MIS18A: variants seen among roughly 807,000 people sequenced by gnomAD.
MIS18A encodes the protein MIS18 kinetochore protein A.
Under a neutral mutation model 25.0 loss-of-function variants are expected in MIS18A, and 14 were observed. That is an observed-to-expected ratio of 0.56 (90% confidence interval 0.37 to 0.88). The LOEUF (loss-of-function observed/expected upper bound fraction) is 0.88, where lower values mean the gene tolerates loss of function less well. MIS18A is among the 40% of genes least tolerant of loss of function. MIS18A has a pLI of 0.00. For synonymous variants in MIS18A, 134 were observed against 118.6 expected (o/e 1.13, Z -0.84); for missense variants, 292 against 290.8 (o/e 1.00, Z -0.03).
At chr21:32,251,562 C>T in the MIS18A span, among the ~76,000 whole-genome samples, 2 of 152,184 alleles carry the variant, frequency 1.3e-5, no homozygotes, top group Non-Finnish European at 2.9e-5. Flanking sequence ...GGGGTGTGAC[C>T]TTTAACCCTG....
chr21:32,230,769 C>T, the MIS18A span, among the ~76,000 whole-genome samples: 2 of 152,102 alleles, frequency 1.3e-5, no homozygotes, highest in African/African-American at 2.4e-5. Flanking sequence ...CAAGTAAGAA[C>T]CAAAACTCTT....
At chr21:32,244,534 T>G in the MIS18A span, among the ~76,000 whole-genome samples, 3 of 152,104 alleles carry the variant, frequency 2.0e-5, no homozygotes, top group African/African-American at 7.2e-5. Flanking sequence ...TCCGGGAAGT[T>G]GAGATCTGCC....
At chr21:32,240,847 G>A in the MIS18A span, among the ~76,000 whole-genome samples, 24 of 152,154 alleles carry the variant, frequency 1.6e-4, no homozygotes, top group Non-Finnish European at 2.4e-4. Flanking sequence ...ACTGCAGAGC[G>A]TATTTGCATC....
intron 1 of MIS18A, among the ~76,000 whole-genome samples, chr21:32,276,863 G>T (rs2031821494): frequency 6.6e-6 from 1 of 152,032 alleles, no homozygotes; most frequent in South Asian, 2.1e-4. Flanking sequence ...GGCGTTCAAG[G>T]TTACATACAG....
the MIS18A span, among the ~76,000 whole-genome samples, chr21:32,171,768 C>G: frequency 1.3e-5 from 2 of 151,988 alleles, no homozygotes; most frequent in Non-Finnish European, 2.9e-5. Flanking sequence ...TTGACTGAAA[C>G]ATTGTTATAC....
chr21:32,260,058 T>C, the MIS18A span: 2 of 149,408 alleles, frequency 1.3e-5, no homozygotes, highest in African/African-American at 5.0e-5. Flanking sequence ...CAATTTTGAA[T>C]ACTTTGGTGG....
the MIS18A span, among the ~76,000 whole-genome samples, chr21:32,170,491 A>T: frequency 3.9e-5 from 6 of 152,140 alleles, no homozygotes; most frequent in African/African-American, 1.4e-4. Flanking sequence ...AGAATAACTA[A>T]ATTGAAAATT....
At chr21:32,168,490 AG>A in the MIS18A span, among the ~76,000 whole-genome samples, 1 of 152,232 alleles carries the variant, frequency 6.6e-6, no homozygotes, top group East Asian at 1.9e-4. Flanking sequence ...TAAAGGGAAC[AG>A]GAATGGTAAA....
At chr21:32,208,415 C>A in the MIS18A span, among the ~76,000 whole-genome samples, 1 of 152,122 alleles carries the variant, frequency 6.6e-6, no homozygotes, top group African/African-American at 2.4e-5. Context: ...GACCTCCCCC[C>A]TCTCTTGCCC....
chr21:32,155,635 A>T, the MIS18A span, among the ~76,000 whole-genome samples: 1 of 152,224 alleles, frequency 6.6e-6, no homozygotes, highest in African/African-American at 2.4e-5. Flanking sequence ...TTTTTAGAGG[A>T]TTATTGTAGC....
At chr21:32,157,967 T>C in the MIS18A span, among the ~76,000 whole-genome samples, 1 of 152,266 alleles carries the variant, frequency 6.6e-6, no homozygotes, top group African/African-American at 2.4e-5. Context: ...TTTACCAAAT[T>C]AATTTTTACC....
At chr21:32,218,747 A>G in the MIS18A span, among the ~76,000 whole-genome samples, 55 of 152,282 alleles carry the variant, frequency 3.6e-4, no homozygotes, top group African/African-American at 1.1e-3. Flanking sequence ...GTGGAGGAAT[A>G]AAAGAACAAA....
At chr21:32,194,535 T>G in the MIS18A span, among the ~76,000 whole-genome samples, 17 of 151,976 alleles carry the variant, frequency 1.1e-4, no homozygotes, top group Non-Finnish European at 2.1e-4. Flanking sequence ...GGTGCATGCC[T>G]GTTATCCCAG....
chr21:32,156,513 G>A, the MIS18A span: 4 of 152,142 alleles, frequency 2.6e-5, no homozygotes, highest in African/African-American at 4.8e-5. Context: ...CTAGAAAGGG[G>A]AAAACATCCC....
the MIS18A span, among the ~76,000 whole-genome samples, chr21:32,190,120 A>T: frequency 6.6e-6 from 1 of 152,226 alleles, no homozygotes; most frequent in Non-Finnish European, 1.5e-5. Context: ...AAGGGCCATG[A>T]GATAGTGAAA....
chr21:32,178,143 C>T, the MIS18A span, among the ~76,000 whole-genome samples: 1 of 152,122 alleles, frequency 6.6e-6, no homozygotes, highest in Non-Finnish European at 1.5e-5. Flanking sequence ...TGATCTCAAA[C>T]TCCTGGGCTC....
chr21:32,259,473 A>G, the MIS18A span, among the ~76,000 whole-genome samples: 3 of 151,936 alleles, frequency 2.0e-5, no homozygotes, highest in African/African-American at 7.3e-5. Context: ...GAGACAGCCC[A>G]CTCCCTGACA....
chr21:32,227,240 A>G, the MIS18A span, among the ~76,000 whole-genome samples: 4 of 152,094 alleles, frequency 2.6e-5, no homozygotes, highest in Admixed American at 1.3e-4. Context: ...TAGAGAATAG[A>G]AAGTAATAAA....
At chr21:32,254,125 G>A in the MIS18A span, among the ~76,000 whole-genome samples, 4 of 152,158 alleles carry the variant, frequency 2.6e-5, no homozygotes, top group African/African-American at 9.7e-5. Context: ...CAGTTACTTG[G>A]GAGGCTGAGG....
Sources: allele counts gnomAD v4.1 joint callset (sites outside exome capture counted in the v4.1 genomes callset), GRCh38; gene constraint gnomAD v4.1.1; transcripts MANE v1.5; gene names NCBI Gene and HGNC (gene_info 2026-07-23, HGNC 2026-07-21).